ZFAND3: variants seen among roughly 807,000 people sequenced by gnomAD.
ZFAND3 encodes the protein AN1-type zinc finger protein 3.
In ZFAND3, 10 loss-of-function variants were observed where a neutral mutation model predicts 29.6. The observed-to-expected ratio is 0.34, with a 90% CI of 0.21 to 0.57. The LOEUF is 0.57. Among genes scored for constraint, ZFAND3 ranks in the 20% least tolerant of loss-of-function variants. The pLI, the probability that ZFAND3 is intolerant of heterozygous loss-of-function variation, is 0.86. For synonymous variants in ZFAND3, 128 were observed against 112.6 expected, an observed-to-expected ratio of 1.14 and a Z score of -0.87; for missense variants, 230 against 304.5, an observed-to-expected ratio of 0.76 and a Z score of 1.82.
intron 1 of ZFAND3, among the ~76,000 whole-genome samples, chr6:37,893,172 T>A (rs748628504): frequency 6.6e-6 from 1 of 152,300 alleles, no homozygotes. Context: ...CTCTTATGAA[T>A]ATGTATGCCA....
At chr6:37,987,221 A>G (rs1762686759) in intron 2 of ZFAND3, among the ~76,000 whole-genome samples, 1 of 152,190 alleles carries the variant, frequency 6.6e-6, no homozygotes, top group Non-Finnish European at 1.5e-5. Context: ...AGAGAAATTC[A>G]TTTTTGTGAT....
chr6:37,995,892 C>T (rs13220131), intron 2 of ZFAND3, among the ~76,000 whole-genome samples: 38,004 of 151,852 alleles, frequency 0.25, 6,318 homozygotes, highest in Non-Finnish European at 0.37. Flanking sequence ...TTTGGGAGGC[C>T]GAGGCAGGTG....
chr6:38,099,499 A>G (rs1052701586), intron 4 of ZFAND3, among the ~76,000 whole-genome samples: 3 of 152,176 alleles, frequency 2.0e-5, no homozygotes, highest in African/African-American at 7.2e-5. Context: ...GCCATTCCCA[A>G]ATAGCAGAAC....
At chr6:38,141,817 A>T (rs539310742) in intron 5 of ZFAND3, among the ~76,000 whole-genome samples, 20 of 152,312 alleles carry the variant, frequency 1.3e-4, no homozygotes, top group African/African-American at 4.8e-4. Context: ...AATGCCAAGC[A>T]TGTCAGCTGC....
intron 1 of ZFAND3, among the ~76,000 whole-genome samples, chr6:37,929,046 T>A (rs1749319081): frequency 6.6e-6 from 1 of 152,182 alleles, no homozygotes; most frequent in African/African-American, 2.4e-5. Flanking sequence ...AGTTGAATAA[T>A]GCCTTGGCAG....
chr6:37,946,974 G>A lies in ZFAND3; in HGVS notation c.112+16975G>A, dbSNP rs115268729. On this transcript the variant is annotated intron_variant, in intron 2 of 5. Coordinates refer to ENST00000287218, the MANE Select transcript of ZFAND3 (RefSeq NM_021943.3). ...GGATGTTAAAGCTCTGGAGATGGAT[G>A]TTAGTGGCAGTAGTTGCACAACAAC... Among the ~76,000 whole-genome samples, 357 of 152,280 alleles carry A rather than the reference G, an allele frequency of 2.3e-3. No individual in the cohort carries two copies. The Middle Eastern group carries it at 0.024, about 10-fold the overall frequency.
At position 38,131,917 on chromosome 6, in the gene ZFAND3, C is replaced by T. The variant is rs546980529; in HGVS notation, c.529+15178C>T. Reference sequence around the variant, plus strand: ...CAGCTGAGTGGGAATATTTCTGGGCCAGTAGCCATGTAAATTCTTGAGGTC... The same window carrying T: ...CAGCTGAGTGGGAATATTTCTGGGCTAGTAGCCATGTAAATTCTTGAGGTC... On this transcript the variant is annotated intron_variant, in intron 5 of 5. Coordinates refer to ENST00000287218, the MANE Select transcript of ZFAND3 (RefSeq NM_021943.3). Among the ~76,000 whole-genome samples, 148 of 152,298 alleles carry T rather than the reference C, an allele frequency of 9.7e-4. 1 individual carries two copies. Among genetic ancestry groups the T allele is most frequent in the Middle Eastern group, 3.4e-3 (1 of 294 alleles).
At chr6:38,034,344 G>T (rs941391473) in intron 2 of ZFAND3, among the ~76,000 whole-genome samples, 2 of 152,140 alleles carry the variant, frequency 1.3e-5, no homozygotes, top group African/African-American at 4.8e-5. Flanking sequence ...ATTGGGGTTG[G>T]CCTAATATAC....
At chr6:37,926,742 A>C (rs1325970392) in intron 1 of ZFAND3, among the ~76,000 whole-genome samples, 1 of 152,234 alleles carries the variant, frequency 6.6e-6, no homozygotes, top group Non-Finnish European at 1.5e-5. Context: ...TCACTGCTCC[A>C]GTGAAACTTT....
chr6:37,893,400 C>T (rs992317791), intron 1 of ZFAND3, among the ~76,000 whole-genome samples: 6 of 152,316 alleles, frequency 3.9e-5, no homozygotes, highest in Admixed American at 2.6e-4. Flanking sequence ...AAACATTCAA[C>T]AAACTATGAA....
At chr6:38,088,625 C>A (rs907271272) in intron 4 of ZFAND3, among the ~76,000 whole-genome samples, 6 of 152,162 alleles carry the variant, frequency 3.9e-5, no homozygotes, top group African/African-American at 1.4e-4. Context: ...AGAAAGAATT[C>A]ATAGGCAAGT....
At chr6:37,829,130 T>G (rs951520095) in intron 1 of ZFAND3, among the ~76,000 whole-genome samples, 6 of 152,186 alleles carry the variant, frequency 3.9e-5, no homozygotes, top group African/African-American at 1.4e-4. Flanking sequence ...GGTATTCTCT[T>G]ACGAAGTGGA....
chr6:38,015,047 CTTTA>C (rs1044173220), intron 2 of ZFAND3, among the ~76,000 whole-genome samples: 3 of 152,162 alleles, frequency 2.0e-5, no homozygotes, highest in African/African-American at 4.8e-5. Context: ...TAACCTTATA[CTTTA>C]TTTAAGGTCT....
rs749221066 is a variant in ZFAND3, at chr6:37,899,150, C to T, written c.72-30809C>T. 1.4e-3 allele frequency among the ~76,000 whole-genome samples: 208 copies of T among 152,222 alleles called. 4 individuals are homozygous for T. Among genetic ancestry groups the T allele is most frequent in the Non-Finnish European group, 6.0e-4 (41 of 68,016 alleles). Reference sequence around the variant, plus strand: ...TCCTGACCTCGTGATCCACCCGCCTCGGCCTCCCAAAGTGCTGGGATTTAC... The same window carrying T: ...TCCTGACCTCGTGATCCACCCGCCTTGGCCTCCCAAAGTGCTGGGATTTAC... On this transcript the variant is annotated intron_variant, in intron 1 of 5. Coordinates refer to ENST00000287218, the MANE Select transcript of ZFAND3 (RefSeq NM_021943.3).
intron 2 of ZFAND3, among the ~76,000 whole-genome samples, chr6:38,026,215 C>T (rs374823782): frequency 2.0e-5 from 3 of 152,160 alleles, no homozygotes; most frequent in African/African-American, 7.2e-5. Flanking sequence ...CATTTTTATA[C>T]TTGATATATT....
chr6:37,894,273 A>G (rs185802223), intron 1 of ZFAND3, among the ~76,000 whole-genome samples: 116 of 152,276 alleles, frequency 7.6e-4, no homozygotes, highest in African/African-American at 2.6e-3. Context: ...GTTGTCTTTT[A>G]AGGAGATACG....
At chr6:38,006,964 C>T (rs577729458) in intron 2 of ZFAND3, among the ~76,000 whole-genome samples, 5 of 152,114 alleles carry the variant, frequency 3.3e-5, no homozygotes, top group East Asian at 1.9e-4. Flanking sequence ...TTTAGCATCC[C>T]GAGTTCTCAG....
chr6:37,911,992 G>T (rs1202843198), intron 1 of ZFAND3, among the ~76,000 whole-genome samples: 1 of 151,084 alleles, frequency 6.6e-6, no homozygotes, highest in Non-Finnish European at 1.5e-5. Flanking sequence ...CCTAATGTAG[G>T]TTGGTTGCTA....
At chr6:38,096,088 A>G in intron 4 of ZFAND3, among the ~76,000 whole-genome samples, 1 of 152,120 alleles carries the variant, frequency 6.6e-6, no homozygotes, top group East Asian at 1.9e-4. Flanking sequence ...ACTACTAAGA[A>G]GTCAGATGCC....
Sources: gnomAD v4.1 joint callset for allele counts (sites outside exome capture counted in the v4.1 genomes callset) on GRCh38, gnomAD v4.1.1 for gene constraint, MANE v1.5 for transcripts, NCBI Gene and HGNC (gene_info 2026-07-23, HGNC 2026-07-21) for gene names.